Variants in PTPRD observed in about 807,000 individuals in gnomAD.
The protein encoded by PTPRD is protein tyrosine phosphatase receptor type D.
Under a neutral mutation model 214.5 loss-of-function variants are expected in PTPRD, and 34 were observed. That is an observed-to-expected ratio of 0.16 (90% CI 0.12 to 0.21). PTPRD has a LOEUF of 0.21. Among genes scored for constraint, PTPRD ranks in the 10% least tolerant of loss-of-function variants. The probability of loss-of-function intolerance (pLI) is 1.00; values close to 1 mark genes in which losing one functional copy is unlikely to be tolerated. For missense variants in PTPRD, 2,545 were observed against 2,398.7 expected (o/e 1.06, Z -1.27); for synonymous variants, 1,128 against 845.7 (o/e 1.33, Z -5.79).
intron 2 of PTPRD, among the ~76,000 whole-genome samples, chr9:10,571,695 T>C (rs1159560817): frequency 6.6e-6 from 1 of 152,178 alleles, no homozygotes; most frequent in Non-Finnish European, 1.5e-5. Flanking sequence ...ACCACTTTCA[T>C]GGAAGACAGT....
Position 9,069,809 on chromosome 9 carries a change from A to C in PTPRD, c.-142-51074T>G, listed in dbSNP as rs112691887. Among the ~76,000 whole-genome samples, 572 of 152,326 alleles carry C rather than the reference A, an allele frequency of 3.8e-3. 3 individuals carry two copies. The highest frequency in any genetic ancestry group is 6.4e-3 in the Non-Finnish European group (435 of 68,026). On this transcript the variant is annotated intron_variant, in intron 10 of 45. Transcript: ENST00000381196. ...ATTATACAAAACCAATCCTAGCAGC[A>C]CTGGAAGAGGAGCAGTATAAAAATG...
intron 2 of PTPRD, among the ~76,000 whole-genome samples, chr9:10,609,379 T>G (rs987851598): frequency 6.6e-5 from 10 of 152,118 alleles, no homozygotes; most frequent in Non-Finnish European, 1.3e-4. Flanking sequence ...TAAATTCTGT[T>G]CACTCACCAC....
chr9:9,678,385 A>T (rs528731932), intron 7 of PTPRD, among the ~76,000 whole-genome samples: 2 of 152,172 alleles, frequency 1.3e-5, no homozygotes, highest in South Asian at 4.1e-4. Flanking sequence ...AGACCAATGG[A>T]ACAGAACAAA....
chr9:8,779,833 T>C (rs1452603283), intron 11 of PTPRD, among the ~76,000 whole-genome samples: 1 of 144,384 alleles, frequency 6.9e-6, no homozygotes, highest in Non-Finnish European at 1.5e-5. Flanking sequence ...TTTTTTTTTT[T>C]GGTCCTAAGG....
At chr9:8,810,552 A>C (rs189598574) in intron 11 of PTPRD, among the ~76,000 whole-genome samples, 1 of 152,136 alleles carries the variant, frequency 6.6e-6, no homozygotes, top group Non-Finnish European at 1.5e-5. Context: ...CTGAAGCCCA[A>C]TCAGTTTCTC....
At chr9:9,750,616 G>C (rs942661193) in intron 6 of PTPRD, among the ~76,000 whole-genome samples, 2 of 152,102 alleles carry the variant, frequency 1.3e-5, no homozygotes, top group African/African-American at 2.4e-5. Flanking sequence ...ACAGAGGTTT[G>C]CACTAGGGGT....
intron 9 of PTPRD, among the ~76,000 whole-genome samples, chr9:9,276,041 T>C (rs1192044566): frequency 1.3e-5 from 2 of 151,350 alleles, no homozygotes; most frequent in African/African-American, 2.4e-5. Context: ...ATCTCAGCCC[T>C]AGAGGGAAAG....
At chr9:10,302,164 C>T (rs983162480) in intron 3 of PTPRD, among the ~76,000 whole-genome samples, 4 of 152,130 alleles carry the variant, frequency 2.6e-5, no homozygotes, top group Admixed American at 1.3e-4. Flanking sequence ...TCCAGCCAAA[C>T]AAAGCTTCAT....
intron 5 of PTPRD, among the ~76,000 whole-genome samples, chr9:9,931,445 T>G (rs954683712): frequency 2.0e-5 from 3 of 152,158 alleles, no homozygotes; most frequent in Admixed American, 6.5e-5. Context: ...TTCCCTTTCC[T>G]AGTCAAAGAA....
At position 10,535,762 on chromosome 9, in the gene PTPRD, A is replaced by T. The variant is rs954422247; in HGVS notation, c.-600+76636T>A. On this transcript the variant is annotated intron_variant, in intron 2 of 45. Coordinates refer to ENST00000381196, the MANE Select transcript of PTPRD (RefSeq NM_002839.4). ...TCATCTCAGTCTCATGAAACTGTGC[A>T]CAGCAAGTTGAAAATTGATATCTAG... is the stretch of plus-strand genomic sequence containing the variant. Among the ~76,000 whole-genome samples, 7 of 152,270 alleles carry T rather than the reference A, an allele frequency of 4.6e-5. No individual in the cohort carries two copies. In the South Asian group the frequency reaches 8.3e-4, roughly 18 times the overall value.
In PTPRD at chr9:8,315,682, C is replaced by A. The variant is rs1821282822; in HGVS notation, c.*2192G>T. ...TTTCTTTGTTTTTTACAAAAGTGCT[C>A]AAATACAATGCTTGCAAATGTTTGG... On this transcript the variant is annotated 3_prime_UTR_variant, in exon 46 of 46. Coordinates refer to ENST00000381196, the MANE Select transcript of PTPRD (RefSeq NM_002839.4). The A allele has an allele frequency of 4.4e-6, 1 of 227,538 alleles. No individual in the cohort carries two copies. Among genetic ancestry groups the A allele is most frequent in the African/African-American group, 2.2e-5 (1 of 44,822 alleles). The allele number at this position is 227,538 out of a possible 1,614,324, so 14.1% of individuals were successfully genotyped here. A position where few individuals can be genotyped will look rare whatever the true frequency, so the allele number is the denominator to read the frequency against.
intron 3 of PTPRD, among the ~76,000 whole-genome samples, chr9:10,167,441 A>G (rs1296063139): frequency 6.6e-6 from 1 of 152,180 alleles, no homozygotes; most frequent in East Asian, 1.9e-4. Context: ...TTCAGCATAT[A>G]AAAACCCATA....
intron 2 of PTPRD, among the ~76,000 whole-genome samples, chr9:10,403,227 A>ACTATATAT (rs2098301499): frequency 1.7e-5 from 1 of 59,882 alleles, no homozygotes; most frequent in Non-Finnish European, 3.5e-5. Context: ...TGTGTGTGTA[A>ACTATATAT]ATATATATAT....
chr9:8,450,215 G>C (rs1037959148), intron 33 of PTPRD, among the ~76,000 whole-genome samples: 1 of 152,108 alleles, frequency 6.6e-6, no homozygotes, highest in African/African-American at 2.4e-5. Context: ...CCAATACTAA[G>C]ACTGTTGTTA....
At chr9:9,615,421 C>A (rs951210301) in intron 7 of PTPRD, among the ~76,000 whole-genome samples, 1 of 152,178 alleles carries the variant, frequency 6.6e-6, no homozygotes, top group Non-Finnish European at 1.5e-5. Flanking sequence ...AACCAGTAAA[C>A]ATCTCTGCTC....
At chr9:10,545,853 G>C (rs1463613842) in intron 2 of PTPRD, among the ~76,000 whole-genome samples, 1 of 151,918 alleles carries the variant, frequency 6.6e-6, no homozygotes, top group Admixed American at 6.6e-5. Flanking sequence ...TCCTAAATTT[G>C]TACTATTATT....
At chr9:9,871,985 T>A (rs1463709249) in intron 5 of PTPRD, among the ~76,000 whole-genome samples, 1 of 152,142 alleles carries the variant, frequency 6.6e-6, no homozygotes, top group Non-Finnish European at 1.5e-5. Flanking sequence ...CTTCATTTAA[T>A]CCTCACCACA....
chr9:9,053,554 T>C (rs1348014494), intron 10 of PTPRD, among the ~76,000 whole-genome samples: 1 of 152,176 alleles, frequency 6.6e-6, no homozygotes, highest in Admixed American at 6.5e-5. Context: ...GGAAGGATCC[T>C]ACCATAGAGC....
At chr9:9,052,869 A>G (rs1336936875) in intron 10 of PTPRD, among the ~76,000 whole-genome samples, 1 of 152,212 alleles carries the variant, frequency 6.6e-6, no homozygotes, top group Non-Finnish European at 1.5e-5. Context: ...TAGCATTGAA[A>G]GTGAATGGGG....
Sources: gnomAD v4.1 joint callset for allele counts (sites outside exome capture counted in the v4.1 genomes callset) on GRCh38, gnomAD v4.1.1 for gene constraint, MANE v1.5 for transcripts, NCBI Gene and HGNC (gene_info 2026-07-23, HGNC 2026-07-21) for gene names.